The following PIEZO2 variants were observed in gnomAD, a reference collection of about 807,000 sequenced individuals.
PIEZO2 encodes piezo type mechanosensitive ion channel component 2.
PIEZO2 carries 172 observed loss-of-function variants against 337.3 expected under a neutral mutation model. The observed-to-expected ratio is 0.51, with a 90% CI of 0.45 to 0.58. The LOEUF is 0.58. Ranked by LOEUF, PIEZO2 falls within the 20% of genes least tolerant of loss-of-function variation. The pLI is 0.00. For synonymous variants in PIEZO2, 1,251 were observed against 1,228.5 expected, an observed-to-expected ratio of 1.02 and a Z score of -0.38; for missense variants, 3,028 against 3,391.3, an observed-to-expected ratio of 0.89 and a Z score of 2.66.
intron 7 of PIEZO2, among the ~76,000 whole-genome samples, chr18:10,809,414 G>T (rs1332907953): frequency 3.3e-5 from 5 of 151,690 alleles, no homozygotes; most frequent in African/African-American, 1.2e-4. Context: ...GGAACCACAG[G>T]TGCGCACCAC....
At chr18:10,822,313 T>A (rs2040542339) in intron 7 of PIEZO2, among the ~76,000 whole-genome samples, 1 of 152,038 alleles carries the variant, frequency 6.6e-6, no homozygotes, top group Non-Finnish European at 1.5e-5. Context: ...ACTAACATTT[T>A]CTACAGCTTT....
intron 7 of PIEZO2, among the ~76,000 whole-genome samples, chr18:10,831,904 C>G (rs2040853482): frequency 6.6e-6 from 1 of 152,100 alleles, no homozygotes; most frequent in African/African-American, 2.4e-5. Flanking sequence ...TTCAAATGTC[C>G]CTCTGGTCCC....
At chr18:10,873,362 A>G (rs961934933) in intron 4 of PIEZO2, among the ~76,000 whole-genome samples, 3 of 152,190 alleles carry the variant, frequency 2.0e-5, no homozygotes, top group Non-Finnish European at 4.4e-5. Flanking sequence ...AACTTCCCAA[A>G]AGCCACATAG....
rs185856470 is a variant in PIEZO2 at position 10,861,941 on chromosome 18, C to T, written c.493-4730G>A. Among the ~76,000 whole-genome samples the T allele has an allele frequency of 2.0e-5, 3 of 152,012 alleles. No individual in the cohort carries two copies. The highest frequency in any genetic ancestry group is 2.9e-5 in the Non-Finnish European group (2 of 67,992). ...GCTGAGGCAGGAGAATCACTGGAACCAACGAGGCAGAGGTCGCAGTGAGCC... is the reference window on the plus strand; with the variant it reads ...GCTGAGGCAGGAGAATCACTGGAACTAACGAGGCAGAGGTCGCAGTGAGCC... On this transcript the variant is annotated intron_variant, in intron 5 of 55. Transcript: ENST00000674853. The surrounding 1 kb of genome is among the most constrained non-coding windows in gnomAD (Gnocchi z 4.3).
Position 11,002,411 on chromosome 18 carries a change from G to T in PIEZO2, c.161-22751C>A, listed in dbSNP as rs112367736. On this transcript the variant is annotated intron_variant, in intron 2 of 55. Transcript: ENST00000674853. The surrounding 1 kb of genome is among the most constrained non-coding windows in gnomAD (Gnocchi z 4.3). ...TGATATTCAAGAAATTCCCTAGGAG[G>T]CATTCCATTGATGATATCTGAGAGT... 1.4e-3 allele frequency among the ~76,000 whole-genome samples: 213 copies of T among 152,246 alleles called. 1 individual carries two copies. Among genetic ancestry groups the T allele is most frequent in the African/African-American group, 4.6e-3 (193 of 41,524 alleles).
chr18:10,704,061 T>G (rs2143767137), intron 42 of PIEZO2, among the ~76,000 whole-genome samples: 1 of 152,328 alleles, frequency 6.6e-6, no homozygotes, highest in East Asian at 1.9e-4. Context: ...GCAACCAGGC[T>G]TCAAACGTGT....
intron 3 of PIEZO2, among the ~76,000 whole-genome samples, chr18:10,917,163 C>G (rs975539702): frequency 5.9e-5 from 9 of 152,018 alleles, no homozygotes; most frequent in Non-Finnish European, 1.0e-4. Flanking sequence ...CTCTCCGCAG[C>G]TGATGGAACA....
chr18:10,858,321 C>CAAA (rs11361243), intron 5 of PIEZO2, among the ~76,000 whole-genome samples: 42 of 56,344 alleles, frequency 7.5e-4, no homozygotes, highest in South Asian at 9.8e-4. Flanking sequence ...GACTTCAACC[C>CAAA]AAAAAAAAAA....
At chr18:11,053,725 C>A (rs1483254874) in intron 2 of PIEZO2, among the ~76,000 whole-genome samples, 1 of 152,156 alleles carries the variant, frequency 6.6e-6, no homozygotes, top group Non-Finnish European at 1.5e-5. Context: ...TGTAATATAT[C>A]GGGTTAAAAG....
intron 43 of PIEZO2, among the ~76,000 whole-genome samples, chr18:10,699,838 G>A (rs375789280): frequency 1.3e-5 from 2 of 152,086 alleles, no homozygotes; most frequent in African/African-American, 2.4e-5. Context: ...GCTGTTGGAC[G>A]GAGCTCTCCC....
At chr18:10,907,403 G>A (rs541849383) in intron 4 of PIEZO2, among the ~76,000 whole-genome samples, 66 of 151,300 alleles carry the variant, frequency 4.4e-4, no homozygotes, top group African/African-American at 1.3e-3. Context: ...AGATCACGCC[G>A]CTGCATTCCA....
At position 10,682,203 on chromosome 18, in the gene PIEZO2, G is replaced by A; in HGVS notation, c.7587C>T (p.Val2529=). ...AAGACATGAAGAGAAGAGGAAACCAGACAATGCAGATGAGCAGGACGATGA... is the reference window on the plus strand; with the variant it reads ...AAGACATGAAGAGAAGAGGAAACCAAACAATGCAGATGAGCAGGACGATGA... ...GMIIVLLICI[V]WFPLLFMSLI... is the part of the protein sequence containing the mutation. The change falls in exon 50 of 56, where the codon GTC becomes GTT. Residue 2529 remains valine (V), a synonymous_variant. Transcript: ENST00000674853. This position sits in a 1 kb window ranked among gnomAD's most constrained non-coding sequence, Gnocchi z 5.6. 6.5e-7 allele frequency: 1 copy of A among 1,537,224 alleles called. No individual in the cohort carries two copies. Among genetic ancestry groups the A allele is most frequent in the Non-Finnish European group, 8.7e-7 (1 of 1,146,894 alleles).
At chr18:10,762,085 C>T (rs992173308) in intron 23 of PIEZO2, among the ~76,000 whole-genome samples, 4 of 152,210 alleles carry the variant, frequency 2.6e-5, no homozygotes, top group African/African-American at 9.7e-5. Flanking sequence ...GAAATAACCA[C>T]TATTGAGCAT....
In PIEZO2 at chr18:10,724,609, C is replaced by T. The variant is rs1256198448; in HGVS notation, c.5030-6350G>A. 9.1e-6 allele frequency: 6 copies of T among 656,198 alleles called. No individual in the cohort carries two copies. The African/African-American group carries it at 1.1e-4, about 12-fold the overall frequency. 40.6% of individuals were successfully genotyped at this position (656,198 alleles called of 1,614,324 possible). ...GAGTGACCCAGCTGGATGTGACCCC[C>T]AAGACAGAATGGTGCTGGACTCGGG... is the stretch of plus-strand genomic sequence containing the variant. On this transcript the variant is annotated intron_variant, in intron 36 of 55. Coordinates refer to ENST00000674853, the MANE Select transcript of PIEZO2 (RefSeq NM_001378183.1). This position sits in a 1 kb window ranked among gnomAD's most constrained non-coding sequence, Gnocchi z 5.8.
At chr18:10,947,067 C>T (rs564766891) in intron 3 of PIEZO2, among the ~76,000 whole-genome samples, 1 of 149,468 alleles carries the variant, frequency 6.7e-6, no homozygotes, top group East Asian at 2.0e-4. Flanking sequence ...AGTTACAAAT[C>T]CAAAATCTTT....
intron 3 of PIEZO2, among the ~76,000 whole-genome samples, chr18:10,948,795 A>T (rs1287168267): frequency 1.3e-5 from 2 of 152,212 alleles, no homozygotes; most frequent in African/African-American, 4.8e-5. Context: ...ATTTGACCTT[A>T]GATTGATTTT....
intron 1 of PIEZO2, among the ~76,000 whole-genome samples, chr18:11,084,516 T>C (rs2038855499): frequency 6.6e-6 from 1 of 152,134 alleles, no homozygotes; most frequent in African/African-American, 2.4e-5. Flanking sequence ...GCCCTCGCCA[T>C]GGAGGCCCCC....
intron 31 of PIEZO2, 55 bp from the exon 32 acceptor site, chr18:10,742,670 GGTCAGTACTT>G: frequency 6.6e-7 from 1 of 1,521,588 alleles, no homozygotes; most frequent in East Asian, 2.5e-5. Flanking sequence ...GTTCTCATGT[GGTCAGTACTT>G]TGGACTTATG....
At position 10,696,107 on chromosome 18, in the gene PIEZO2, C is replaced by T. The variant is rs938737753; in HGVS notation, c.7157G>A (p.Trp2386Ter). ...QVILVFGIHF[W>*]MFFILPGVTE... The stretch of plus-strand genomic sequence containing the variant: ...CACACCAGGTAAGATGAAGAACATC[C>T]AGAAGTGAATTCCGAACACAAGAAT... The change falls in exon 47 of 56, where the codon TGG becomes TAG. Residue 2386 changes from tryptophan (W) to a stop codon, truncating the protein, a stop_gained. Coordinates refer to ENST00000674853, the MANE Select transcript of PIEZO2 (RefSeq NM_001378183.1). LOFTEE classifies it high-confidence loss of function. 2 of 1,614,062 alleles carry T rather than the reference C, an allele frequency of 1.2e-6. No homozygotes were observed. The highest frequency in any genetic ancestry group is 1.7e-6 in the Non-Finnish European group (2 of 1,180,030).
Sources: allele counts gnomAD v4.1 joint callset (sites outside exome capture counted in the v4.1 genomes callset), GRCh38; gene constraint gnomAD v4.1.1; non-coding constraint Gnocchi (gnomAD v3.1); transcripts MANE v1.5; gene names NCBI Gene and HGNC (gene_info 2026-07-23, HGNC 2026-07-21).